Variants in MSN observed in about 807,000 individuals in gnomAD.
The protein encoded by MSN is moesin.
MSN carries 2 observed loss-of-function variants against 48.0 expected under a neutral mutation model. The ratio of observed to expected loss-of-function variants is 0.04; its 90% CI spans 0.02 to 0.13. MSN has a LOEUF of 0.13. Ranked by LOEUF, MSN falls within the 10% of genes least tolerant of loss-of-function variation. MSN has a pLI of 1.00. For missense variants in MSN, 267 were observed against 470.1 expected, an observed-to-expected ratio of 0.57 and a Z score of 3.99; for synonymous variants, 146 against 166.9, an observed-to-expected ratio of 0.87 and a Z score of 0.97.
chrX:65,698,441 C>T (rs968596396), intron 1 of MSN, among the ~76,000 whole-genome samples: 1 of 112,197 alleles, frequency 8.9e-6, no homozygotes, highest in African/African-American at 3.2e-5. Flanking sequence ...GAGCTGGGCC[C>T]CAGTAGATAA....
intron 1 of MSN, among the ~76,000 whole-genome samples, chrX:65,654,508 G>A (rs1264161530): frequency 9.1e-6 from 1 of 110,323 alleles, no homozygotes; most frequent in Non-Finnish European, 1.9e-5. Flanking sequence ...AATTTTTACA[G>A]GAAACTGAGG....
intron 1 of MSN, among the ~76,000 whole-genome samples, chrX:65,668,544 G>A (rs1464766949): frequency 4.5e-5 from 5 of 111,698 alleles, no homozygotes; most frequent in African/African-American, 1.6e-4. Flanking sequence ...ATTGCTTAAT[G>A]CCTCTCTATC....
At chrX:65,695,507 C>CAAAAAAAAAAAAA (rs759652563) in intron 1 of MSN, among the ~76,000 whole-genome samples, 1 of 12,961 alleles carries the variant, frequency 7.7e-5, no homozygotes, top group African/African-American at 1.7e-4. Flanking sequence ...AACTCTGTCT[C>CAAAAAAAAAAAAA]AAAAAAAAAA....
intron 1 of MSN, among the ~76,000 whole-genome samples, chrX:65,697,169 G>A (rs1300143687): frequency 9.1e-6 from 1 of 109,314 alleles, no homozygotes; most frequent in Non-Finnish European, 1.9e-5. Context: ...AATTGGATTA[G>A]GCTGTAAGAT....
At position 65,737,195 on chromosome X, in the gene MSN, C is replaced by T. The variant is rs761864712; in HGVS notation, c.1108C>T (p.Arg370Cys). Residue 370 changes from arginine (R) to cysteine (C), a missense_variant, in exon 10 of 13, where the codon CGT becomes TGT. Coordinates refer to ENST00000360270, the MANE Select transcript of MSN (RefSeq NM_002444.3). ...KAQQELEEQT[R>C]RALELEQERK... Reference sequence around the variant, plus strand: ...CTGCTCAGAACTGGAAGAACAGACCCGTAGGGCTCTGGAACTTGAGCAGGA... The same window carrying T: ...CTGCTCAGAACTGGAAGAACAGACCTGTAGGGCTCTGGAACTTGAGCAGGA... 3.2e-5 allele frequency: 39 copies of T among 1,203,840 alleles called. 1 individual carries two copies. Among genetic ancestry groups the T allele is most frequent in the Non-Finnish European group, 3.7e-5 (33 of 892,236 alleles).
At chrX:65,620,868 C>CT (rs964757298) in intron 1 of MSN, among the ~76,000 whole-genome samples, 488 of 97,060 alleles carry the variant, frequency 5.0e-3, no homozygotes, top group Middle Eastern at 0.016. Flanking sequence ...AAGATTTTCA[C>CT]TTTTTTTTTT....
chrX:65,588,891 G>A (rs891188436), intron 1 of MSN: 12 of 134,251 alleles, frequency 8.9e-5, no homozygotes, highest in South Asian at 7.4e-4. Context: ...CCCAGGCAAG[G>A]GACTCATTAA....
chrX:65,666,997 G>T (rs2070877691), upstream of MSN, among the ~76,000 whole-genome samples: 1 of 112,129 alleles, frequency 8.9e-6, no homozygotes, highest in African/African-American at 3.2e-5. Context: ...TGAAGACTGG[G>T]ATTTAGATGA....
chrX:65,646,981 C>G (rs981958495), intron 1 of MSN, among the ~76,000 whole-genome samples: 3 of 110,808 alleles, frequency 2.7e-5, no homozygotes, highest in Non-Finnish European at 5.7e-5. Context: ...AAAACAAACC[C>G]TAGTATGAGG....
intron 1 of MSN, among the ~76,000 whole-genome samples, chrX:65,657,546 G>T (rs1331696170): frequency 1.8e-5 from 2 of 111,404 alleles, no homozygotes; most frequent in Admixed American, 1.9e-4. Context: ...AATTGATATT[G>T]GCTGGCTGGG....
intron 2 of MSN, among the ~76,000 whole-genome samples, chrX:65,722,724 C>T (rs1487605083): frequency 9.0e-6 from 1 of 110,937 alleles, no homozygotes. Context: ...CGGCCATGCT[C>T]TGGGCTTTTG....
intron 1 of MSN, among the ~76,000 whole-genome samples, chrX:65,669,022 G>A (rs185301175): frequency 1.2e-4 from 13 of 111,682 alleles, no homozygotes; most frequent in South Asian, 7.5e-4. Context: ...TTTGTGATGA[G>A]CTTTGGTTGC....
chrX:65,641,578 ATATATATATATATATATATAT>A (rs1337781197), intron 1 of MSN, among the ~76,000 whole-genome samples: 1 of 68,350 alleles, frequency 1.5e-5, no homozygotes, highest in African/African-American at 5.9e-5. Context: ...ATATATATAT[ATATATATATATATATATATAT>A]ATTTTAGCAT....
intron 1 of MSN, among the ~76,000 whole-genome samples, chrX:65,626,489 C>T (rs777056657): frequency 2.7e-5 from 3 of 111,127 alleles, no homozygotes; most frequent in Non-Finnish European, 5.7e-5. Context: ...GTAACTTTTC[C>T]AATCTATTTT....
chrX:65,670,896 TTATATATATATATATATATATA>T (rs57076717), intron 1 of MSN, among the ~76,000 whole-genome samples: 276 of 14,050 alleles, frequency 0.02, 10 homozygotes, highest in African/African-American at 0.064. Flanking sequence ...ATGATGACAG[TTATATATATATATATATATATA>T]TATATATATA....
At chrX:65,641,529 CAA>C (rs1215400897) in intron 1 of MSN, among the ~76,000 whole-genome samples, 389 of 21,179 alleles carry the variant, frequency 0.018, 13 homozygotes, top group African/African-American at 0.061. Flanking sequence ...GACTCGGTCT[CAA>C]AAAAAAAAAA....
upstream of MSN, among the ~76,000 whole-genome samples, chrX:65,665,780 A>G (rs762723308): frequency 9.7e-4 from 108 of 111,456 alleles, no homozygotes; most frequent in Non-Finnish European, 1.8e-3. Flanking sequence ...AGAGAGGGGG[A>G]GGGAATTACC....
intron 1 of MSN, among the ~76,000 whole-genome samples, chrX:65,691,606 G>A (rs962250614): frequency 9.0e-6 from 1 of 111,254 alleles, no homozygotes; most frequent in Non-Finnish European, 1.9e-5. Flanking sequence ...CTGGGTTCAA[G>A]TGATTATGCT....
At chrX:65,726,809 G>C (rs758690031) in intron 2 of MSN, among the ~76,000 whole-genome samples, 1 of 111,423 alleles carries the variant, frequency 9.0e-6, no homozygotes, top group African/African-American at 3.3e-5. Flanking sequence ...ACTGCCTAAG[G>C]CCAGCCTGAC....
Sources: gnomAD v4.1 joint callset for allele counts (sites outside exome capture counted in the v4.1 genomes callset) on GRCh38, gnomAD v4.1.1 for gene constraint, MANE v1.5 for transcripts, NCBI Gene and HGNC (gene_info 2026-07-23, HGNC 2026-07-21) for gene names.